The following SORCS2 variants were observed in gnomAD, a reference collection of about 807,000 sequenced individuals.
The protein encoded by SORCS2 is sortilin related VPS10 domain containing receptor 2, also known as VPS10 domain-containing receptor SorCS2.
SORCS2 carries 100 observed loss-of-function variants against 141.6 expected under a neutral mutation model. That is an observed-to-expected ratio of 0.71 (90% CI 0.60 to 0.83). The LOEUF is 0.83. Ranked by LOEUF, SORCS2 falls within the 40% of genes least tolerant of loss-of-function variation. SORCS2 has a pLI of 0.00. For missense variants in SORCS2, 1,646 were observed against 1,560.2 expected (o/e 1.05, Z -0.93); for synonymous variants, 789 against 676.9 (o/e 1.17, Z -2.57).
At chr4:7,728,850 G>C (rs1727406225) in intron 22 of SORCS2, among the ~76,000 whole-genome samples, 1 of 152,200 alleles carries the variant, frequency 6.6e-6, no homozygotes, top group African/African-American at 2.4e-5. Context: ...GAAGAACCCA[G>C]TGTGCTCACT....
At chr4:7,632,896 C>A (rs569560951) in intron 3 of SORCS2, among the ~76,000 whole-genome samples, 22 of 152,106 alleles carry the variant, frequency 1.4e-4, no homozygotes, top group African/African-American at 5.1e-4. Flanking sequence ...GGAATAACTC[C>A]CTATCATAGA....
intron 1 of SORCS2, among the ~76,000 whole-genome samples, chr4:7,368,821 C>G (rs961804077): frequency 4.6e-5 from 7 of 152,280 alleles, no homozygotes; most frequent in Non-Finnish European, 7.4e-5. Flanking sequence ...CTGGGAGAAA[C>G]CCGGTGGGAG....
At chr4:7,735,028 C>A (rs1020379414) in intron 25 of SORCS2, among the ~76,000 whole-genome samples, 1 of 152,244 alleles carries the variant, frequency 6.6e-6, no homozygotes, top group Non-Finnish European at 1.5e-5. Context: ...TCCCCCGACG[C>A]TGGGACGCGT....
At chr4:7,505,410 C>T (rs1732218504) in intron 2 of SORCS2, among the ~76,000 whole-genome samples, 1 of 152,062 alleles carries the variant, frequency 6.6e-6, no homozygotes, top group Non-Finnish European at 1.5e-5. Flanking sequence ...TGCACAGAGA[C>T]ACCTCAGTCC....
chr4:7,256,655 C>T (rs185961932), intron 1 of SORCS2, among the ~76,000 whole-genome samples: 376 of 151,510 alleles, frequency 2.5e-3, no homozygotes, highest in Middle Eastern at 6.8e-3. Context: ...ATCTCGGATG[C>T]GAACGTAATG....
At chr4:7,351,507 A>G (rs1194414925) in intron 1 of SORCS2, among the ~76,000 whole-genome samples, 1 of 151,990 alleles carries the variant, frequency 6.6e-6, no homozygotes, top group African/African-American at 2.4e-5. Context: ...ATCTCTGTCC[A>G]TCTGTCTCTT....
intron 1 of SORCS2, among the ~76,000 whole-genome samples, chr4:7,361,086 G>T (rs1426741872): frequency 6.6e-6 from 1 of 152,126 alleles, no homozygotes; most frequent in Non-Finnish European, 1.5e-5. Flanking sequence ...GTCAAGCTCT[G>T]CCCGGCAGCC....
intron 2 of SORCS2, among the ~76,000 whole-genome samples, chr4:7,524,915 G>C (rs1488447293): frequency 1.3e-5 from 2 of 152,202 alleles, no homozygotes. Flanking sequence ...AGAAAGACGA[G>C]GGCATCCATC....
chr4:7,681,319 G>C (rs945740906), intron 9 of SORCS2, among the ~76,000 whole-genome samples: 1 of 152,176 alleles, frequency 6.6e-6, no homozygotes, highest in African/African-American at 2.4e-5. Flanking sequence ...TATCTGGAGG[G>C]GCCTAGTGTC....
chr4:7,733,618 G>A (rs184432358), intron 24 of SORCS2, among the ~76,000 whole-genome samples, 197 bp downstream of exon 24: 1 of 152,186 alleles, frequency 6.6e-6, no homozygotes, highest in Non-Finnish European at 1.5e-5. Context: ...ATGGAGCACT[G>A]CTCTTACCTG....
intron 1 of SORCS2, among the ~76,000 whole-genome samples, chr4:7,221,653 A>G (rs1708502062): frequency 1.3e-5 from 2 of 152,200 alleles, no homozygotes; most frequent in African/African-American, 2.4e-5. Context: ...CGAAGGAAAG[A>G]CAGAAGCTTT....
At chr4:7,211,520 C>T (rs1475785218) in intron 1 of SORCS2, among the ~76,000 whole-genome samples, 5 of 152,152 alleles carry the variant, frequency 3.3e-5, no homozygotes, top group Non-Finnish European at 4.4e-5. Context: ...TTACAAGCAC[C>T]TACCACCACA....
At chr4:7,368,046 A>G (rs1293555303) in intron 1 of SORCS2, among the ~76,000 whole-genome samples, 6 of 152,184 alleles carry the variant, frequency 3.9e-5, no homozygotes, top group Non-Finnish European at 8.8e-5. Context: ...TTTAAATACC[A>G]TAAGCTCCTT....
At chr4:7,727,044 A>T in intron 21 of SORCS2, 141 bp downstream of exon 21, 1 of 1,125,488 alleles carries the variant, frequency 8.9e-7, no homozygotes. Flanking sequence ...GGCTGGATAA[A>T]CAGAGCCCTG....
intron 1 of SORCS2, among the ~76,000 whole-genome samples, chr4:7,329,473 C>T (rs185481790): frequency 2.5e-4 from 38 of 152,228 alleles, no homozygotes; most frequent in African/African-American, 8.4e-4. Flanking sequence ...GAGGGGGTCC[C>T]CTGAGATGCT....
intron 2 of SORCS2, among the ~76,000 whole-genome samples, chr4:7,466,284 CCCT>C (rs934063493): frequency 3.5e-4 from 53 of 152,262 alleles, no homozygotes; most frequent in African/African-American, 1.2e-3. Context: ...TGTGGCTCTG[CCCT>C]CCTCCAGATC....
chr4:7,724,145 G>A (rs1043018352), intron 19 of SORCS2, among the ~76,000 whole-genome samples: 1,272 of 123,354 alleles, frequency 0.01, 17 homozygotes, highest in African/African-American at 0.035. Flanking sequence ...GGTGGTGATG[G>A]TCGTGGTGGT....
intron 3 of SORCS2, among the ~76,000 whole-genome samples, chr4:7,571,644 G>A (rs1335488300): frequency 6.6e-6 from 1 of 152,048 alleles, no homozygotes; most frequent in East Asian, 1.9e-4. Context: ...GAGGAGGGCT[G>A]AGGCAGGGAC....
At chr4:7,333,017 C>T (rs564146553) in intron 1 of SORCS2, among the ~76,000 whole-genome samples, 5 of 152,354 alleles carry the variant, frequency 3.3e-5, no homozygotes, top group East Asian at 3.9e-4. Flanking sequence ...GCACCTGGCA[C>T]GGAACAGGCT....
Sources: gnomAD v4.1 joint callset for allele counts (sites outside exome capture counted in the v4.1 genomes callset) on GRCh38, gnomAD v4.1.1 for gene constraint, MANE v1.5 for transcripts, NCBI Gene and HGNC (gene_info 2026-07-23, HGNC 2026-07-21) for gene names.